Variants in SLC28A3 observed in about 807,000 individuals in gnomAD.
The protein encoded by SLC28A3 is solute carrier family 28 member 3.
In SLC28A3, 68 loss-of-function variants were observed where a neutral mutation model predicts 84.2. That is an observed-to-expected ratio of 0.81 (90% CI 0.66 to 0.99). The LOEUF (loss-of-function observed/expected upper bound fraction) is 0.99. Ranked by LOEUF, SLC28A3 falls within the 50% of genes least tolerant of loss-of-function variation. The pLI is 0.00. For missense variants in SLC28A3, 712 were observed against 841.5 expected (o/e 0.85, Z 1.90); for synonymous variants, 267 against 303.6 (o/e 0.88, Z 1.25).
At chr9:84,296,515 G>A (rs904357146) in intron 8 of SLC28A3, among the ~76,000 whole-genome samples, 13 of 152,188 alleles carry the variant, frequency 8.5e-5, no homozygotes, top group Non-Finnish European at 1.0e-4. Flanking sequence ...AGGAAAACCC[G>A]AATGCATGTT....
the SLC28A3 span, among the ~76,000 whole-genome samples, chr9:84,366,583 A>G: frequency 6.6e-6 from 1 of 152,180 alleles, no homozygotes; most frequent in Non-Finnish European, 1.5e-5. Flanking sequence ...AATCTAAGCT[A>G]TATCTGCTTT....
intron 1 of SLC28A3, among the ~76,000 whole-genome samples, chr9:84,315,392 T>TA (rs773124151): frequency 1.7e-4 from 26 of 152,350 alleles, no homozygotes; most frequent in African/African-American, 5.8e-4. Flanking sequence ...TGCGGATCCT[T>TA]ACGGAATCCT....
rs145121253 is a variant in SLC28A3, at chr9:84,299,489, A to G, written c.669+92T>C. The G allele has an allele frequency of 5.6e-4, 857 of 1,520,742 alleles. 5 individuals are homozygous for G. The African/African-American group carries it at 0.01, about 19-fold the overall frequency. 94.2% of individuals were successfully genotyped at this position (1,520,742 alleles called of 1,614,324 possible). A position where few individuals can be genotyped will look rare whatever the true frequency, so the allele number is the denominator to read the frequency against. ...CATCAAGGTAAGAAAAGTACTGAACAATAGTTAAATTCTCTCACAATCAGT... is the reference window on the plus strand; with the variant it reads ...CATCAAGGTAAGAAAAGTACTGAACGATAGTTAAATTCTCTCACAATCAGT... On this transcript the variant is annotated intron_variant, in intron 6 of 17. Coordinates refer to ENST00000376238, the MANE Select transcript of SLC28A3 (RefSeq NM_001199633.2).
At chr9:84,279,941 T>A (rs1167819919) in intron 16 of SLC28A3, 34 bp downstream of exon 16, 1 of 1,603,812 alleles carries the variant, frequency 6.2e-7, no homozygotes, top group African/African-American at 1.3e-5. Flanking sequence ...ATTCATCCTG[T>A]GGGCACTGGG....
chr9:84,340,966 TTTTC>T (rs563156121), upstream of SLC28A3, among the ~76,000 whole-genome samples: 1,115 of 151,702 alleles, frequency 7.3e-3, 6 homozygotes, highest in Non-Finnish European at 0.013. Context: ...GACACTTTCT[TTTTC>T]TTTCTTTCTT....
At chr9:84,355,107 G>T in the SLC28A3 span, among the ~76,000 whole-genome samples, 2 of 152,144 alleles carry the variant, frequency 1.3e-5, no homozygotes, top group Non-Finnish European at 2.9e-5. Flanking sequence ...TGGTTGGGTA[G>T]CTTATGGGGT....
At chr9:84,327,271 A>T (rs1469039430) in intron 1 of SLC28A3, among the ~76,000 whole-genome samples, 1 of 151,388 alleles carries the variant, frequency 6.6e-6, no homozygotes, top group Non-Finnish European at 1.5e-5. Context: ...CCTACTCCTG[A>T]CTGATCATCC....
At chr9:84,354,794 T>C in the SLC28A3 span, among the ~76,000 whole-genome samples, 1 of 148,968 alleles carries the variant, frequency 6.7e-6, no homozygotes, top group East Asian at 2.0e-4. Context: ...TTGCAGTGAG[T>C]CTAGATCGTG....
intron 1 of SLC28A3, among the ~76,000 whole-genome samples, chr9:84,334,371 C>T (rs1395027995): frequency 6.6e-6 from 1 of 152,112 alleles, no homozygotes; most frequent in African/African-American, 2.4e-5. Context: ...AGTTCAAAAC[C>T]AGGCAAAGGT....
chr9:84,311,600 C>T (rs1259941538), intron 2 of SLC28A3, among the ~76,000 whole-genome samples: 1 of 152,120 alleles, frequency 6.6e-6, no homozygotes, highest in Non-Finnish European at 1.5e-5. Context: ...GCCTGTAATC[C>T]CAGCACTTTG....
At chr9:84,302,501 A>G (rs1258137979) in intron 4 of SLC28A3, 112 bp from the exon 5 acceptor site, 1 of 1,004,674 alleles carries the variant, frequency 1.0e-6, no homozygotes, top group Admixed American at 2.5e-5. Flanking sequence ...ATTAAATATC[A>G]CTGAATGCAG....
chr9:84,368,088 G>T, the SLC28A3 span, among the ~76,000 whole-genome samples: 3 of 152,042 alleles, frequency 2.0e-5, no homozygotes, highest in Non-Finnish European at 2.9e-5. Context: ...CTGTCTCAGT[G>T]GGGGGAAACC....
At chr9:84,311,291 A>T (rs1825979291) in intron 2 of SLC28A3, among the ~76,000 whole-genome samples, 1 of 152,202 alleles carries the variant, frequency 6.6e-6, no homozygotes, top group African/African-American at 2.4e-5. Context: ...AAATATTTTT[A>T]AAAGAGCAGT....
rs189570786 is a variant in SLC28A3 at position 84,326,773 on chromosome 9, A to G, written c.61-13319T>C. Reference sequence around the variant, plus strand: ...GTAATCCCAGCTCTCTGGCAGGCCAATGTGGGGAGATCACTTGAGGTCAGG... The same window carrying G: ...GTAATCCCAGCTCTCTGGCAGGCCAGTGTGGGGAGATCACTTGAGGTCAGG... On this transcript the variant is annotated intron_variant, in intron 1 of 17. Transcript: ENST00000376238. Among the ~76,000 whole-genome samples, 68 of 152,328 alleles carry G rather than the reference A, an allele frequency of 4.5e-4. 1 individual carries two copies. The highest frequency in any genetic ancestry group is 5.9e-4 in the Non-Finnish European group (40 of 68,036).
At chr9:84,293,720 A>G (rs1056441148) in intron 9 of SLC28A3, among the ~76,000 whole-genome samples, 6 of 152,132 alleles carry the variant, frequency 3.9e-5, no homozygotes, top group South Asian at 2.1e-4. Flanking sequence ...ATGCTTATGA[A>G]ACTCCCTCAG....
intron 1 of SLC28A3, among the ~76,000 whole-genome samples, chr9:84,314,459 G>A (rs1235492940): frequency 6.6e-6 from 1 of 152,142 alleles, no homozygotes; most frequent in Non-Finnish European, 1.5e-5. Flanking sequence ...CAACGACTAT[G>A]ACTGCATCTT....
At position 84,278,356 on chromosome 9, in the gene SLC28A3, T is replaced by C. The variant is rs1384525599; in HGVS notation, c.1950-12A>G. ...CCTTGGCAACAGTGCTGGTGGAAAG[T>C]GGAAAGAAACAGTTACATGAGCCAT... On this transcript the variant is annotated splice_polypyrimidine_tract_variant and intron_variant, in intron 17 of 17. Coordinates refer to ENST00000376238, the MANE Select transcript of SLC28A3 (RefSeq NM_001199633.2). 6.2e-7 allele frequency: 1 copy of C among 1,613,330 alleles called. No individual in the cohort carries two copies. Among genetic ancestry groups the C allele is most frequent in the African/African-American group, 1.3e-5 (1 of 74,828 alleles).
the SLC28A3 span, among the ~76,000 whole-genome samples, chr9:84,348,442 G>T: frequency 6.6e-6 from 1 of 151,976 alleles, no homozygotes; most frequent in African/African-American, 2.4e-5. Flanking sequence ...GCAAGCTTGG[G>T]CTAGTTACTA....
intron 1 of SLC28A3, among the ~76,000 whole-genome samples, chr9:84,323,493 C>T (rs1041998550): frequency 4.0e-5 from 6 of 149,390 alleles, no homozygotes; most frequent in African/African-American, 5.0e-5. Flanking sequence ...GGCATGATCT[C>T]GGCTCACTGC....
Sources: allele counts gnomAD v4.1 joint callset (sites outside exome capture counted in the v4.1 genomes callset), GRCh38; gene constraint gnomAD v4.1.1; transcripts MANE v1.5; gene names NCBI Gene and HGNC (gene_info 2026-07-23, HGNC 2026-07-21).